OPCML: variants seen among roughly 807,000 people sequenced by gnomAD.
OPCML encodes opioid binding protein/cell adhesion molecule like, also known as opioid-binding protein/cell adhesion molecule.
A neutral mutation model predicts 37.8 loss-of-function variants in OPCML; 13 were observed. The ratio of observed to expected loss-of-function variants is 0.34; its 90% confidence interval spans 0.22 to 0.55. The LOEUF is 0.55. OPCML is among the 20% of genes least tolerant of loss of function. The pLI, the probability that OPCML is intolerant of heterozygous loss-of-function variation, is 0.91. For missense variants in OPCML, 341 were observed against 435.6 expected (o/e 0.78, Z 1.93); for synonymous variants, 176 against 168.8 (o/e 1.04, Z -0.33).
intron 1 of OPCML, among the ~76,000 whole-genome samples, chr11:133,140,362 A>G (rs1041977664): frequency 6.7e-6 from 1 of 148,920 alleles, no homozygotes; most frequent in African/African-American, 2.5e-5. Flanking sequence ...AAAAAATACA[A>G]AAATTAGCAG....
chr11:132,952,307 T>C (rs1945877373), intron 1 of OPCML, among the ~76,000 whole-genome samples: 1 of 152,124 alleles, frequency 6.6e-6, no homozygotes, highest in South Asian at 2.1e-4. Flanking sequence ...CTTCCGTTTT[T>C]AGGCTAAGAA....
intron 4 of OPCML, among the ~76,000 whole-genome samples, chr11:132,510,060 C>T (rs1182182298): frequency 1.3e-5 from 2 of 152,260 alleles, no homozygotes; most frequent in Non-Finnish European, 2.9e-5. Context: ...TGGGAACCCA[C>T]CTCTTGCATC....
intron 1 of OPCML, among the ~76,000 whole-genome samples, chr11:132,991,000 C>T (rs1163118201): frequency 6.6e-6 from 1 of 152,160 alleles, no homozygotes; most frequent in Non-Finnish European, 1.5e-5. Flanking sequence ...ATAGAGGAAT[C>T]AGAGCAGATA....
At chr11:133,337,081 C>T (rs1462287964) in intron 1 of OPCML, among the ~76,000 whole-genome samples, 1 of 152,176 alleles carries the variant, frequency 6.6e-6, no homozygotes, top group Non-Finnish European at 1.5e-5. Context: ...GCGCGCAACC[C>T]CTCATGCCCT....
At chr11:133,094,265 AT>A (rs1948963429) in intron 1 of OPCML, among the ~76,000 whole-genome samples, 2 of 152,234 alleles carry the variant, frequency 1.3e-5, no homozygotes, top group Admixed American at 6.5e-5. Flanking sequence ...ACAGTAAAAT[AT>A]TTAACACTAA....
chr11:132,632,630 C>T (rs1489141776), intron 3 of OPCML, among the ~76,000 whole-genome samples: 1 of 152,088 alleles, frequency 6.6e-6, no homozygotes, highest in African/African-American at 2.4e-5. Flanking sequence ...TGATAGCCAG[C>T]CCGGTATATC....
At chr11:133,220,756 C>A (rs970939518) in intron 1 of OPCML, among the ~76,000 whole-genome samples, 11 of 151,994 alleles carry the variant, frequency 7.2e-5, no homozygotes, top group African/African-American at 1.2e-4. Context: ...TTTTTCTGCC[C>A]CCTCTTCCAT....
At chr11:133,247,611 CTTTT>C (rs1339202662) in intron 1 of OPCML, among the ~76,000 whole-genome samples, 1 of 104,254 alleles carries the variant, frequency 9.6e-6, no homozygotes, top group African/African-American at 3.5e-5. Flanking sequence ...TTCTTTCTTT[CTTTT>C]TTTTTTGAGG....
At chr11:132,519,728 A>G (rs990011495) in intron 4 of OPCML, among the ~76,000 whole-genome samples, 1 of 152,142 alleles carries the variant, frequency 6.6e-6, no homozygotes, top group African/African-American at 2.4e-5. Context: ...TAACTGTTCC[A>G]CTGAGCAAGA....
intron 4 of OPCML, among the ~76,000 whole-genome samples, chr11:132,467,024 G>A (rs2096122195): frequency 6.6e-6 from 1 of 152,132 alleles, no homozygotes; most frequent in South Asian, 2.1e-4. Flanking sequence ...ACCATTCTAG[G>A]CTGAGAAGTG....
intron 1 of OPCML, chr11:133,423,000 C>T (rs1045831881): frequency 1.0e-6 from 1 of 985,228 alleles, no homozygotes; most frequent in African/African-American, 1.7e-5. Context: ...GCCTTACTTC[C>T]TTCTTCCTTC....
At chr11:132,648,155 G>A (rs973480792) in intron 3 of OPCML, among the ~76,000 whole-genome samples, 1 of 152,198 alleles carries the variant, frequency 6.6e-6, no homozygotes, top group Non-Finnish European at 1.5e-5. Flanking sequence ...TAATCTTGCG[G>A]GTGGTGAGGC....
intron 3 of OPCML, among the ~76,000 whole-genome samples, chr11:132,601,139 C>T (rs931801303): frequency 5.3e-5 from 8 of 151,988 alleles, no homozygotes; most frequent in Non-Finnish European, 1.0e-4. Context: ...AAAATTAAAA[C>T]AAAAAATTCT....
At chr11:133,360,863 T>C (rs947448876) in intron 1 of OPCML, 1 of 152,254 alleles carries the variant, frequency 6.6e-6, no homozygotes, top group Admixed American at 6.5e-5. Flanking sequence ...TTTCCTTCTC[T>C]TGGAAGTGGA....
At chr11:133,116,581 A>G (rs1348952843) in intron 1 of OPCML, among the ~76,000 whole-genome samples, 1 of 152,072 alleles carries the variant, frequency 6.6e-6, no homozygotes, top group Non-Finnish European at 1.5e-5. Flanking sequence ...TCACTATTAG[A>G]TGCAGGTTAT....
chr11:133,004,511 G>A (rs1565393112), intron 1 of OPCML: 4 of 985,424 alleles, frequency 4.1e-6, no homozygotes, highest in Non-Finnish European at 4.8e-6. Context: ...CTCTGCAGAC[G>A]ACCGAGGTCG....
At chr11:133,529,252 T>C (rs1948552486) in intron 1 of OPCML, among the ~76,000 whole-genome samples, 1 of 152,340 alleles carries the variant, frequency 6.6e-6, no homozygotes, top group Admixed American at 6.5e-5. Flanking sequence ...GGACTCCACA[T>C]TTTAACCTGC....
intron 3 of OPCML, among the ~76,000 whole-genome samples, chr11:132,653,441 T>TC: frequency 6.6e-6 from 1 of 152,068 alleles, no homozygotes. Context: ...AGGCTGATTT[T>TC]CCCCCCAACT....
intron 1 of OPCML, chr11:133,067,426 G>A (rs950725822): frequency 6.6e-6 from 1 of 152,170 alleles, no homozygotes; most frequent in Admixed American, 6.6e-5. Context: ...GGACTCCTCT[G>A]GGGGTTGAAA....
Sources: allele counts gnomAD v4.1 joint callset (sites outside exome capture counted in the v4.1 genomes callset), GRCh38; gene constraint gnomAD v4.1.1; transcripts MANE v1.5; gene names NCBI Gene and HGNC (gene_info 2026-07-23, HGNC 2026-07-21).